The following FUT9 variants were observed in gnomAD, a reference collection of about 807,000 sequenced individuals.
FUT9 encodes the protein 4-galactosyl-N-acetylglucosaminide 3-alpha-L-fucosyltransferase 9.
A neutral mutation model predicts 29.7 loss-of-function variants in FUT9; 15 were observed. The observed-to-expected ratio is 0.51, with a 90% CI of 0.34 to 0.78. The LOEUF is 0.78. Ranked by LOEUF, FUT9 falls within the 30% of genes least tolerant of loss-of-function variation. The probability of loss-of-function intolerance (pLI) is 0.01; values close to 1 mark genes in which losing one functional copy is unlikely to be tolerated. For missense variants in FUT9, 319 were observed against 425.4 expected, an observed-to-expected ratio of 0.75 and a Z score of 2.20; for synonymous variants, 169 against 153.7, an observed-to-expected ratio of 1.10 and a Z score of -0.74.
At chr6:96,064,041 G>A (rs941746886) in intron 1 of FUT9, among the ~76,000 whole-genome samples, 10 of 152,172 alleles carry the variant, frequency 6.6e-5, no homozygotes, top group African/African-American at 2.4e-4. Flanking sequence ...AACTTATAAT[G>A]TCACAATTGC....
intron 2 of FUT9, among the ~76,000 whole-genome samples, chr6:96,141,063 T>C (rs1772453188): frequency 6.6e-6 from 1 of 152,210 alleles, no homozygotes; most frequent in African/African-American, 2.4e-5. Context: ...GACATGGGAT[T>C]GTTTTCATTT....
intron 2 of FUT9, among the ~76,000 whole-genome samples, chr6:96,127,154 C>T (rs1437093058): frequency 2.0e-5 from 3 of 151,938 alleles, no homozygotes; most frequent in Admixed American, 1.3e-4. Flanking sequence ...GCAGAGTATC[C>T]AATAGGTAGT....
At chr6:96,170,979 T>G (rs2127982975) in intron 2 of FUT9, among the ~76,000 whole-genome samples, 1 of 152,272 alleles carries the variant, frequency 6.6e-6, no homozygotes, top group East Asian at 1.9e-4. Context: ...TTCCCTACAT[T>G]CTCACTGTTT....
At chr6:96,087,288 C>A (rs1381822181) in intron 1 of FUT9, among the ~76,000 whole-genome samples, 1 of 151,524 alleles carries the variant, frequency 6.6e-6, no homozygotes, top group Non-Finnish European at 1.5e-5. Flanking sequence ...TTATCATAGT[C>A]TACCTCCAAG....
intron 2 of FUT9, among the ~76,000 whole-genome samples, chr6:96,136,733 T>G (rs1220586465): frequency 6.6e-6 from 1 of 151,948 alleles, no homozygotes; most frequent in African/African-American, 2.4e-5. Flanking sequence ...AATGTAGTCA[T>G]AAGTGTGGTA....
intron 1 of FUT9, among the ~76,000 whole-genome samples, chr6:96,048,167 A>G (rs754589678): frequency 4.6e-5 from 7 of 152,316 alleles, no homozygotes; most frequent in South Asian, 2.1e-4. Flanking sequence ...TTAGAGACCC[A>G]TGTGATTATA....
intron 2 of FUT9, among the ~76,000 whole-genome samples, chr6:96,192,499 T>C (rs1427372417): frequency 3.9e-5 from 6 of 152,100 alleles, no homozygotes; most frequent in Non-Finnish European, 8.8e-5. Flanking sequence ...TTACGAGGGA[T>C]GTGAAGGACC....
At chr6:96,089,215 C>T (rs1173312969) in intron 1 of FUT9, among the ~76,000 whole-genome samples, 1 of 152,168 alleles carries the variant, frequency 6.6e-6, no homozygotes, top group Non-Finnish European at 1.5e-5. Context: ...CTGATTAATA[C>T]TCAGCTAAAT....
chr6:96,170,396 T>C (rs1287299349), intron 2 of FUT9, among the ~76,000 whole-genome samples: 1 of 152,118 alleles, frequency 6.6e-6, no homozygotes, highest in East Asian at 1.9e-4. Context: ...ACAGCAGGGA[T>C]TTTTTCTAAC....
rs144359030 is a variant in FUT9 at position 96,135,285 on chromosome 6, T to C, written c.-9+21158T>C. 1.5e-3 allele frequency among the ~76,000 whole-genome samples: 233 copies of C among 152,136 alleles called. 2 individuals are homozygous for C. The highest frequency in any genetic ancestry group is 5.4e-3 in the African/African-American group (224 of 41,568). On this transcript the variant is annotated intron_variant, in intron 2 of 2. Coordinates refer to ENST00000302103, the MANE Select transcript of FUT9 (RefSeq NM_006581.4). ...ACACACATACATGAGGGACATTTGGTTCACCAAAAATTTGTGCCAGTAGAG... is the reference window on the plus strand; with the variant it reads ...ACACACATACATGAGGGACATTTGGCTCACCAAAAATTTGTGCCAGTAGAG...
intron 1 of FUT9, among the ~76,000 whole-genome samples, chr6:96,039,863 G>A (rs1434993782): frequency 6.6e-6 from 1 of 151,922 alleles, no homozygotes; most frequent in Non-Finnish European, 1.5e-5. Context: ...TTTCCATGTG[G>A]GGTTTTCTTA....
chr6:96,103,928 C>A (rs974119535), intron 1 of FUT9, among the ~76,000 whole-genome samples: 1 of 152,102 alleles, frequency 6.6e-6, no homozygotes, highest in Non-Finnish European at 1.5e-5. Flanking sequence ...CCAATAAGGT[C>A]CCATTCACAG....
At chr6:96,173,350 A>T (rs908277781) in intron 2 of FUT9, among the ~76,000 whole-genome samples, 3 of 152,018 alleles carry the variant, frequency 2.0e-5, no homozygotes, top group Admixed American at 6.6e-5. Flanking sequence ...GCCATTCTCC[A>T]CTAAAATGTT....
chr6:96,138,555 AAG>A (rs1772403624), intron 2 of FUT9, among the ~76,000 whole-genome samples: 1 of 152,118 alleles, frequency 6.6e-6, no homozygotes, highest in Non-Finnish European at 1.5e-5. Context: ...TCATGCAAAA[AAG>A]AGAGCAAAAG....
chr6:96,074,051 G>A (rs1279991609), intron 1 of FUT9, among the ~76,000 whole-genome samples: 1 of 152,112 alleles, frequency 6.6e-6, no homozygotes, highest in Non-Finnish European at 1.5e-5. Context: ...ATCTACTAGT[G>A]AGAAGGTTGC....
chr6:96,195,809 A>T (rs1249984712), intron 2 of FUT9, among the ~76,000 whole-genome samples: 3 of 152,216 alleles, frequency 2.0e-5, no homozygotes, highest in African/African-American at 2.4e-5. Flanking sequence ...AATTATAAGC[A>T]TTCATGTAGT....
intron 1 of FUT9, among the ~76,000 whole-genome samples, chr6:96,053,094 A>C (rs1014050320): frequency 6.6e-6 from 1 of 152,112 alleles, no homozygotes; most frequent in Non-Finnish European, 1.5e-5. Flanking sequence ...ACTAATTAGC[A>C]AACCTTTATC....
intron 2 of FUT9, among the ~76,000 whole-genome samples, chr6:96,189,773 A>G (rs180900716): frequency 0.015 from 2,283 of 152,026 alleles, 28 homozygotes; most frequent in Non-Finnish European, 0.021. Flanking sequence ...ATCTTCCTTC[A>G]TCCCTTTATT....
intron 1 of FUT9, among the ~76,000 whole-genome samples, chr6:96,045,679 G>T (rs1770550216): frequency 6.6e-6 from 1 of 152,194 alleles, no homozygotes; most frequent in Admixed American, 6.5e-5. Context: ...TGTAGTTCCT[G>T]TAGAGAAAAG....
Sources: allele counts gnomAD v4.1 joint callset (sites outside exome capture counted in the v4.1 genomes callset), GRCh38; gene constraint gnomAD v4.1.1; transcripts MANE v1.5; gene names NCBI Gene and HGNC (gene_info 2026-07-23, HGNC 2026-07-21).